The following NDUFAF6 variants were observed in gnomAD, a reference collection of about 807,000 sequenced individuals.
NDUFAF6 encodes NADH:ubiquinone oxidoreductase complex assembly factor 6.
A neutral mutation model predicts 40.8 loss-of-function variants in NDUFAF6; 45 were observed. The observed-to-expected ratio is 1.10, with a 90% CI of 0.87 to 1.42. The LOEUF (loss-of-function observed/expected upper bound fraction) is 1.42, where lower values mean the gene tolerates loss of function less well. Ranked by LOEUF, NDUFAF6 falls within the 40% of genes most tolerant of loss-of-function variation. The pLI is 0.00. For missense variants in NDUFAF6, 435 were observed against 418.5 expected (o/e 1.04, Z -0.34); for synonymous variants, 185 against 155.9 (o/e 1.19, Z -1.39).
intron 4 of NDUFAF6, among the ~76,000 whole-genome samples, chr8:95,110,252 A>C (rs1257025426): frequency 1.3e-5 from 2 of 152,230 alleles, no homozygotes; most frequent in East Asian, 3.8e-4. Flanking sequence ...CGCCTACAAC[A>C]AACTGCACCA....
chr8:95,106,103 A>G (rs995137909), downstream of NDUFAF6, among the ~76,000 whole-genome samples: 1 of 151,886 alleles, frequency 6.6e-6, no homozygotes, highest in East Asian at 1.9e-4. Flanking sequence ...GTGAAACCCC[A>G]TCTCTACTAA....
chr8:95,004,814 A>G (rs1826889548), intron 2 of NDUFAF6, among the ~76,000 whole-genome samples: 1 of 152,172 alleles, frequency 6.6e-6, no homozygotes, highest in East Asian at 1.9e-4. Context: ...AGATTTAGCA[A>G]CTGATTCCCC....
At chr8:95,042,924 G>A (rs1235577741) in intron 4 of NDUFAF6, among the ~76,000 whole-genome samples, 1 of 152,132 alleles carries the variant, frequency 6.6e-6, no homozygotes, top group Non-Finnish European at 1.5e-5. Context: ...GGGACACTTG[G>A]ATACCTCTTG....
intron 1 of NDUFAF6, among the ~76,000 whole-genome samples, chr8:94,914,080 G>GCGCC (rs1487766523): frequency 6.7e-6 from 1 of 150,204 alleles, no homozygotes; most frequent in Non-Finnish European, 1.5e-5. Context: ...GTGAGCCACC[G>GCGCC]CGCCCGGCCT....
intron 2 of NDUFAF6, among the ~76,000 whole-genome samples, chr8:95,094,642 T>C (rs1809386009): frequency 6.6e-6 from 1 of 151,846 alleles, no homozygotes; most frequent in Non-Finnish European, 1.5e-5. Flanking sequence ...CTTGAACTCC[T>C]GACCGCAGGT....
chr8:94,966,601 A>G (rs1824032817), intron 1 of NDUFAF6, among the ~76,000 whole-genome samples: 1 of 152,174 alleles, frequency 6.6e-6, no homozygotes. Flanking sequence ...CTCTAAATAA[A>G]TAAATAAATA....
chr8:94,924,760 T>A (rs1286302317), intron 1 of NDUFAF6, among the ~76,000 whole-genome samples: 1 of 152,038 alleles, frequency 6.6e-6, no homozygotes, highest in African/African-American at 2.4e-5. Flanking sequence ...TTTTGTTTTT[T>A]GAGACAGAGT....
chr8:94,896,440 C>G (rs909410242), intron 1 of NDUFAF6: 1 of 152,248 alleles, frequency 6.6e-6, no homozygotes, highest in African/African-American at 2.4e-5. Flanking sequence ...AATGCCCCCA[C>G]AACTGGCGCA....
downstream of NDUFAF6, among the ~76,000 whole-genome samples, chr8:95,105,040 A>AACAC (rs71569111): frequency 1.8e-4 from 23 of 128,362 alleles, no homozygotes; most frequent in African/African-American, 6.5e-4. Context: ...TGCTATGAGA[A>AACAC]ACACACACAC....
intron 9 of NDUFAF6, chr8:95,072,975 C>T (rs1587236020): frequency 6.5e-6 from 1 of 153,450 alleles, no homozygotes. Context: ...GGGAGATCCT[C>T]GAGGTTGGCC....
chr8:95,047,807 C>T (rs112529587), intron 6 of NDUFAF6, among the ~76,000 whole-genome samples: 3 of 151,880 alleles, frequency 2.0e-5, no homozygotes, highest in East Asian at 1.9e-4. Context: ...CTGCGCCCGG[C>T]GAGAACTTTG....
chr8:95,000,665 G>A (rs945646804), intron 2 of NDUFAF6, among the ~76,000 whole-genome samples: 10 of 150,750 alleles, frequency 6.6e-5, no homozygotes, highest in African/African-American at 9.8e-5. Flanking sequence ...GCTGGGCGTC[G>A]TGGCTTACAC....
At chr8:94,964,398 C>T (rs1823840396) in intron 1 of NDUFAF6, among the ~76,000 whole-genome samples, 1 of 146,074 alleles carries the variant, frequency 6.8e-6, no homozygotes, top group Non-Finnish European at 1.5e-5. Context: ...CACTGCACTC[C>T]AGCCTGGGCA....
chr8:95,066,212 A>G (rs1447082421), intron 9 of NDUFAF6, among the ~76,000 whole-genome samples: 1 of 151,906 alleles, frequency 6.6e-6, no homozygotes, highest in African/African-American at 2.4e-5. Context: ...CCTGAGCTCA[A>G]ATGATCCTCC....
chr8:95,100,061 T>C (rs1809604810), upstream of NDUFAF6, among the ~76,000 whole-genome samples: 1 of 152,140 alleles, frequency 6.6e-6, no homozygotes, highest in African/African-American at 2.4e-5. Context: ...AGGATTAGCC[T>C]ATCTCATCTA....
At chr8:95,081,930 G>A (rs1240431615) in intron 2 of NDUFAF6, among the ~76,000 whole-genome samples, 2 of 152,230 alleles carry the variant, frequency 1.3e-5, no homozygotes, top group South Asian at 2.1e-4. Context: ...GCCGGGCGTG[G>A]TGGCGGGCAC....
intron 1 of NDUFAF6, among the ~76,000 whole-genome samples, chr8:94,931,605 C>CATAT (rs141760825): frequency 0.44 from 66,155 of 149,016 alleles, 15,390 homozygotes; most frequent in East Asian, 0.72. Flanking sequence ...CACACACACA[C>CATAT]ACACATAAAA....
intron 1 of NDUFAF6, chr8:94,975,459 G>A (rs1272783748): frequency 6.6e-6 from 1 of 152,230 alleles, no homozygotes; most frequent in Admixed American, 6.5e-5. Flanking sequence ...AGAGCCTCAG[G>A]CAGCGGGGAG....
chr8:95,034,216 CTTTT>C, intron 2 of NDUFAF6: 1 of 359,328 alleles, frequency 2.8e-6, no homozygotes, highest in South Asian at 2.1e-5. Context: ...ACACATTTCT[CTTTT>C]TATGAATCAT....
Sources: allele counts gnomAD v4.1 joint callset (sites outside exome capture counted in the v4.1 genomes callset), GRCh38; gene constraint gnomAD v4.1.1; transcripts MANE v1.5; gene names NCBI Gene and HGNC (gene_info 2026-07-23, HGNC 2026-07-21).